DMD: variants seen among roughly 807,000 people sequenced by gnomAD.
DMD encodes the protein dystrophin.
In DMD, 63 loss-of-function variants were observed where a neutral mutation model predicts 330.1. That is an observed-to-expected ratio of 0.19 (90% CI 0.16 to 0.24). The LOEUF (loss-of-function observed/expected upper bound fraction) is 0.24, where lower values mean the gene tolerates loss of function less well. Ranked by LOEUF, DMD falls within the 10% of genes least tolerant of loss-of-function variation. DMD has a pLI of 1.00. For synonymous variants in DMD, 1,223 were observed against 959.8 expected, an observed-to-expected ratio of 1.27 and a Z score of -5.07; for missense variants, 3,344 against 2,684.1, an observed-to-expected ratio of 1.25 and a Z score of -5.43.
intron 44 of DMD, among the ~76,000 whole-genome samples, chrX:32,195,399 A>G (rs763756920): frequency 8.1e-5 from 9 of 111,675 alleles, no homozygotes; most frequent in African/African-American, 2.9e-4. Flanking sequence ...AATGGATGCT[A>G]TCACCTAGGA....
chrX:32,523,949 T>C (rs2046688654), intron 17 of DMD, among the ~76,000 whole-genome samples: 1 of 107,358 alleles, frequency 9.3e-6, no homozygotes, highest in Non-Finnish European at 1.9e-5. Context: ...TTTTTTTTTT[T>C]TGAGACGGAG....
rs1315108690 is a variant in DMD at position 33,082,091 on chromosome X, AAG to A, written c.32-61893_32-61892del. ...GAGTGGCAAGACAAAAAAATTAAAA[AAG>A]AGAAAAAAATGGAGAAAAATAATTC... On this transcript the variant is annotated intron_variant, in intron 1 of 78. Coordinates refer to ENST00000357033, the MANE Select transcript of DMD (RefSeq NM_004006.3). Among the ~76,000 whole-genome samples the A allele has an allele frequency of 3.6e-5, 4 of 111,434 alleles. No individual in the cohort carries two copies. In the East Asian group the frequency reaches 1.1e-3, roughly 31 times the overall value.
At chrX:31,510,761 G>C (rs1299002671) in intron 55 of DMD, among the ~76,000 whole-genome samples, 1 of 109,874 alleles carries the variant, frequency 9.1e-6, no homozygotes, top group African/African-American at 3.3e-5. Flanking sequence ...CGCCCACCTT[G>C]GCCTCCCAAA....
At chrX:31,284,594 T>TTCTTCTTCTTCTTCTTCTTCC (rs2147924860) in intron 62 of DMD, among the ~76,000 whole-genome samples, 1 of 98,182 alleles carries the variant, frequency 1.0e-5, no homozygotes, top group East Asian at 3.0e-4. Context: ...CTTCTTCTTC[T>TTCTTCTTCTTCTTCTTCTTCC]TCTTCTTCTT....
At chrX:33,175,047 T>C (rs149330770) in intron 1 of DMD, among the ~76,000 whole-genome samples, 24 of 112,227 alleles carry the variant, frequency 2.1e-4, no homozygotes, top group African/African-American at 7.8e-4. Context: ...AAGTTTCCCA[T>C]GTAGTTCTTT....
chrX:32,611,974 G>A (rs193125736), intron 12 of DMD, among the ~76,000 whole-genome samples: 232 of 111,850 alleles, frequency 2.1e-3, no homozygotes, highest in African/African-American at 7.3e-3. Flanking sequence ...GGTAGAACTG[G>A]AGCTCGAATT....
rs142315992 is a variant in DMD at position 32,865,899 on chromosome X, T to G, written c.94-16079A>C. On this transcript the variant is annotated intron_variant, in intron 2 of 78. Transcript: ENST00000357033. ...TTCATCCTTTCCTGAATCCATACCCTTTGCAATGTAGCATTGCTGTTCTTC... is the reference window on the plus strand; with the variant it reads ...TTCATCCTTTCCTGAATCCATACCCGTTGCAATGTAGCATTGCTGTTCTTC... Among the ~76,000 whole-genome samples, 1,048 of 112,310 alleles carry G rather than the reference T, an allele frequency of 9.3e-3. 14 individuals carry two copies. The highest frequency in any genetic ancestry group is 0.032 in the African/African-American group (981 of 30,939).
intron 50 of DMD, among the ~76,000 whole-genome samples, chrX:31,815,457 A>AAAAAAAAAAG (rs1391738015): frequency 8.2e-5 from 9 of 110,137 alleles, no homozygotes; most frequent in African/African-American, 2.6e-4. Flanking sequence ...CTCAAAAAAA[A>AAAAAAAAAAG]AGAGAGAGAG....
At chrX:33,326,983 T>C (rs773115637) in intron 1 of DMD, among the ~76,000 whole-genome samples, 1 of 112,084 alleles carries the variant, frequency 8.9e-6, no homozygotes, top group Non-Finnish European at 1.9e-5. Context: ...ATGGTTCCTA[T>C]GTGAATAAAT....
chrX:32,951,653 T>G (rs1004277397), intron 2 of DMD, among the ~76,000 whole-genome samples: 2 of 112,039 alleles, frequency 1.8e-5, no homozygotes, highest in Non-Finnish European at 3.8e-5. Flanking sequence ...GTGAGTTTCC[T>G]CTATCCCAAA....
At chrX:32,614,998 A>C (rs1344441307) in intron 11 of DMD, among the ~76,000 whole-genome samples, 3 of 111,019 alleles carry the variant, frequency 2.7e-5, no homozygotes, top group Non-Finnish European at 5.7e-5. Flanking sequence ...CCATGCTGTA[A>C]AGGAGGCCAG....
intron 2 of DMD, among the ~76,000 whole-genome samples, chrX:32,887,346 C>CAA (rs199616246): frequency 9.5e-5 from 10 of 104,827 alleles, no homozygotes; most frequent in South Asian, 4.3e-4. Context: ...GAATCCATCT[C>CAA]AAAAAAAATA....
At chrX:32,625,005 C>T (rs139459171) in intron 11 of DMD, among the ~76,000 whole-genome samples, 1,237 of 111,020 alleles carry the variant, frequency 0.011, 25 homozygotes, top group African/African-American at 0.027. Flanking sequence ...ACCCCATCTC[C>T]ACTAAAAATA....
chrX:32,764,633 G>T (rs191763185), intron 7 of DMD, among the ~76,000 whole-genome samples: 2 of 111,604 alleles, frequency 1.8e-5, no homozygotes, highest in African/African-American at 6.5e-5. Context: ...CTTTCTTAAG[G>T]CTGAATAATA....
chrX:32,600,090 T>G (rs770242947), intron 12 of DMD, among the ~76,000 whole-genome samples: 3 of 111,880 alleles, frequency 2.7e-5, no homozygotes, highest in Admixed American at 9.5e-5. Context: ...ATTTTATTAT[T>G]TAAACCTGAC....
chrX:31,421,994 T>C (rs1483252537), intron 60 of DMD, among the ~76,000 whole-genome samples: 2 of 72,395 alleles, frequency 2.8e-5, no homozygotes, highest in African/African-American at 1.6e-4. Flanking sequence ...TATGTATATA[T>C]ACACACACAT....
At chrX:32,454,327 T>G (rs1603633846) in intron 26 of DMD, among the ~76,000 whole-genome samples, 1 of 111,158 alleles carries the variant, frequency 9.0e-6, no homozygotes, top group East Asian at 2.8e-4. Flanking sequence ...CAAGAATACT[T>G]TTGCACAGTT....
At chrX:32,712,683 G>A (rs978186001) in intron 7 of DMD, among the ~76,000 whole-genome samples, 1 of 111,179 alleles carries the variant, frequency 9.0e-6, no homozygotes, top group Non-Finnish European at 1.9e-5. Context: ...TATATTCATT[G>A]TAGGAGTGTT....
At chrX:32,554,049 G>A (rs780391100) in intron 16 of DMD, among the ~76,000 whole-genome samples, 120 of 112,258 alleles carry the variant, frequency 1.1e-3, no homozygotes, top group African/African-American at 3.7e-3. Context: ...GCTTCTGGGA[G>A]GAAGACCAGC....
Sources: gnomAD v4.1 joint callset for allele counts (sites outside exome capture counted in the v4.1 genomes callset) on GRCh38, gnomAD v4.1.1 for gene constraint, MANE v1.5 for transcripts, NCBI Gene and HGNC (gene_info 2026-07-23, HGNC 2026-07-21) for gene names.